The following PEAK1 variants were observed in gnomAD, a reference collection of about 807,000 sequenced individuals.
PEAK1 encodes inactive tyrosine-protein kinase PEAK1.
In PEAK1, 54 loss-of-function variants were observed where a neutral mutation model predicts 124.7. That is an observed-to-expected ratio of 0.43 (90% CI 0.35 to 0.54). The LOEUF is 0.54. PEAK1 is among the 20% of genes least tolerant of loss of function. PEAK1 has a pLI of 0.01. For missense variants in PEAK1, 2,046 were observed against 2,134.5 expected (o/e 0.96, Z 0.82); for synonymous variants, 719 against 760.0 (o/e 0.95, Z 0.89).
intron 1 of PEAK1, among the ~76,000 whole-genome samples, chr15:77,415,148 G>GCT (rs1319817443): frequency 1.3e-5 from 2 of 152,164 alleles, no homozygotes; most frequent in African/African-American, 2.4e-5. Flanking sequence ...AATCAACCAC[G>GCT]AAAATTGGTA....
chr15:77,418,661 C>G (rs1346630945), intron 1 of PEAK1: 72 of 985,328 alleles, frequency 7.3e-5, no homozygotes, highest in Non-Finnish European at 8.6e-5. Context: ...ATTGAGCTAT[C>G]TAGAAATGCT....
chr15:77,394,233 G>A (rs2070718480), intron 1 of PEAK1, among the ~76,000 whole-genome samples: 3 of 152,186 alleles, frequency 2.0e-5, no homozygotes, highest in Admixed American at 2.0e-4. Context: ...CACAAACCTG[G>A]CTGGCTTTGC....
At chr15:77,292,457 C>T (rs1289537932) in intron 2 of PEAK1, among the ~76,000 whole-genome samples, 1 of 151,744 alleles carries the variant, frequency 6.6e-6, no homozygotes, top group Non-Finnish European at 1.5e-5. Context: ...TGGGACAACA[C>T]TGGGGGCCAT....
At chr15:77,355,015 G>C (rs1025894282) in intron 2 of PEAK1, among the ~76,000 whole-genome samples, 4 of 151,836 alleles carry the variant, frequency 2.6e-5, no homozygotes, top group African/African-American at 7.3e-5. Context: ...CTCCAGCCTG[G>C]GCGACAGAGC....
At chr15:77,323,604 C>A (rs1387750348) in intron 2 of PEAK1, among the ~76,000 whole-genome samples, 1 of 152,196 alleles carries the variant, frequency 6.6e-6, no homozygotes, top group Non-Finnish European at 1.5e-5. Flanking sequence ...TCAAGGAGAA[C>A]TACAAACCAC....
chr15:77,122,780 A>C lies in PEAK1; in HGVS notation c.4078-7461T>G, dbSNP rs558732061. On this transcript the variant is annotated intron_variant, in intron 9 of 9. Transcript: ENST00000682557. ...CTTTCTGTAAAGTTTCACTGTTAAA[A>C]ATATTTATTTTGAATTATGAAAGTG... Among the ~76,000 whole-genome samples, 200 of 152,274 alleles carry C rather than the reference A, an allele frequency of 1.3e-3. 3 individuals are homozygous for C. In the South Asian group the frequency reaches 0.024, roughly 18 times the overall value.
chr15:77,329,644 G>A (rs555262175), intron 2 of PEAK1, among the ~76,000 whole-genome samples: 139 of 152,236 alleles, frequency 9.1e-4, no homozygotes, highest in African/African-American at 3.2e-3. Context: ...GGAAATCAAT[G>A]ATATACCTCT....
intron 1 of PEAK1, among the ~76,000 whole-genome samples, chr15:77,406,236 G>C (rs1247821133): frequency 1.3e-5 from 2 of 152,114 alleles, no homozygotes; most frequent in Non-Finnish European, 2.9e-5. Flanking sequence ...GATGTAGCCA[G>C]ATTCCAAAAG....
chr15:77,282,337 T>TA (rs2062714133), intron 5 of PEAK1, among the ~76,000 whole-genome samples: 1 of 152,156 alleles, frequency 6.6e-6, no homozygotes, highest in Non-Finnish European at 1.5e-5. Flanking sequence ...ACATTAAAAC[T>TA]AAATAATCAA....
chr15:77,125,360 T>A (rs12903728), intron 9 of PEAK1, among the ~76,000 whole-genome samples: 15,137 of 152,138 alleles, frequency 0.099, 827 homozygotes, highest in African/African-American at 0.11. Context: ...AAAATTAAAG[T>A]AGAAAATTCA....
At chr15:77,343,774 C>A (rs557169321) in intron 2 of PEAK1, among the ~76,000 whole-genome samples, 41 of 152,222 alleles carry the variant, frequency 2.7e-4, no homozygotes, top group African/African-American at 9.6e-4. Context: ...GTGTGAGAAA[C>A]CGCGCCGGCC....
chr15:77,191,648 G>C (rs1168952737), intron 6 of PEAK1, among the ~76,000 whole-genome samples: 1 of 152,204 alleles, frequency 6.6e-6, no homozygotes, highest in Non-Finnish European at 1.5e-5. Flanking sequence ...AATTTCAAGA[G>C]ATGCTGTCAG....
intron 6 of PEAK1, among the ~76,000 whole-genome samples, chr15:77,201,082 G>C (rs1167933570): frequency 6.6e-6 from 1 of 151,898 alleles, no homozygotes; most frequent in Non-Finnish European, 1.5e-5. Flanking sequence ...TACACTAAAT[G>C]CATCAAGTTG....
At chr15:77,416,448 T>A (rs1162992307) in intron 1 of PEAK1, among the ~76,000 whole-genome samples, 1 of 152,234 alleles carries the variant, frequency 6.6e-6, no homozygotes, top group East Asian at 1.9e-4. Flanking sequence ...AATAGCTTCC[T>A]AACTGGTCCT....
intron 1 of PEAK1, among the ~76,000 whole-genome samples, chr15:77,384,568 T>C (rs1480730621): frequency 6.6e-6 from 1 of 152,186 alleles, no homozygotes; most frequent in African/African-American, 2.4e-5. Context: ...AGAGCAAAAT[T>C]ATGCCATTTT....
rs560818839 is a variant in PEAK1, at chr15:77,194,977, C to A, written c.-114-12937G>T. ...TAGCAAGAAAATAGTAAATTATGTTCGGGGTTCTGTGTTTAAGAAGGGAAG... is the reference window on the plus strand; with the variant it reads ...TAGCAAGAAAATAGTAAATTATGTTAGGGGTTCTGTGTTTAAGAAGGGAAG... On this transcript the variant is annotated intron_variant, in intron 6 of 9. Coordinates refer to ENST00000682557, the MANE Select transcript of PEAK1 (RefSeq NM_001385026.1). Among the ~76,000 whole-genome samples the A allele has an allele frequency of 1.2e-3, 185 of 152,132 alleles. 2 individuals carry two copies. The highest frequency in any genetic ancestry group is 4.3e-3 in the African/African-American group (178 of 41,508).
intron 1 of PEAK1, chr15:77,404,590 T>C (rs1201054650): frequency 3.4e-6 from 3 of 878,126 alleles, no homozygotes; most frequent in Middle Eastern, 1.2e-3. Flanking sequence ...AAACTACATA[T>C]GTGGTTTGCA....
In PEAK1 at chr15:77,312,548, A is replaced by C. The variant is rs141225982; in HGVS notation, c.-602-26044T>G. On this transcript the variant is annotated intron_variant, in intron 2 of 9. Transcript: ENST00000682557. ...GAAAAACCAGGTAACAACAATTTAAACACACAGGATTTTATTTTAGGCAAT... is the reference window on the plus strand; with the variant it reads ...GAAAAACCAGGTAACAACAATTTAACCACACAGGATTTTATTTTAGGCAAT... Among the ~76,000 whole-genome samples the C allele has an allele frequency of 3.8e-4, 58 of 152,366 alleles. 1 individual carries two copies. In the East Asian group the frequency reaches 0.01, roughly 27 times the overall value.
At chr15:77,168,569 G>C (rs751746947) in intron 7 of PEAK1, among the ~76,000 whole-genome samples, 3 of 152,220 alleles carry the variant, frequency 2.0e-5, no homozygotes, top group Non-Finnish European at 4.4e-5. Flanking sequence ...AAACAAGTTG[G>C]ATCTGGCCCA....
Sources: gnomAD v4.1 joint callset for allele counts (sites outside exome capture counted in the v4.1 genomes callset) on GRCh38, gnomAD v4.1.1 for gene constraint, MANE v1.5 for transcripts, NCBI Gene and HGNC (gene_info 2026-07-23, HGNC 2026-07-21) for gene names.